ZNF618: variants seen among roughly 807,000 people sequenced by gnomAD.
ZNF618 encodes the protein neural precursor cell expressed, developmentally down-regulated 10.
A neutral mutation model predicts 103.0 loss-of-function variants in ZNF618; 34 were observed. The ratio of observed to expected loss-of-function variants is 0.33; its 90% CI spans 0.25 to 0.44. ZNF618 has a LOEUF of 0.44. Ranked by LOEUF, ZNF618 falls within the 20% of genes least tolerant of loss-of-function variation. The pLI, the probability that ZNF618 is intolerant of heterozygous loss-of-function variation, is 1.00. For synonymous variants in ZNF618, 551 were observed against 542.2 expected (o/e 1.02, Z -0.23); for missense variants, 1,059 against 1,295.4 (o/e 0.82, Z 2.80).
intron 3 of ZNF618, among the ~76,000 whole-genome samples, chr9:113,997,812 G>A (rs1193791692): frequency 6.6e-6 from 1 of 152,218 alleles, no homozygotes; most frequent in Non-Finnish European, 1.5e-5. Flanking sequence ...GCTGGGCAGG[G>A]AGCCAGGCGT....
intron 10 of ZNF618, among the ~76,000 whole-genome samples, chr9:114,025,204 G>A (rs1450484532): frequency 6.6e-6 from 1 of 152,186 alleles, no homozygotes; most frequent in Non-Finnish European, 1.5e-5. Context: ...GACTCCTCTT[G>A]CATCCCATCT....
Position 114,048,816 on chromosome 9 carries a change from G to A in ZNF618, c.1514G>A (p.Arg505His), listed in dbSNP as rs762985449. Residue 505 changes from arginine to histidine, a missense_variant, in exon 15 of 15, where the codon CGC becomes CAC. Physicochemically the swap from Arg to His is conservative, Grantham distance 29 (BLOSUM62 0). Coordinates refer to ENST00000374126, the MANE Select transcript of ZNF618 (RefSeq NM_001318042.2). ...CAGACCTTAGTAGACAGTGGTGCCCGCTATGGGGCCTTCTCGGTCACTGAA... is the reference window on the plus strand; with the variant it reads ...CAGACCTTAGTAGACAGTGGTGCCCACTATGGGGCCTTCTCGGTCACTGAA... The part of the protein sequence containing the change: ...LAQTLVDSGA[R>H]YGAFSVTEIL... The A allele has an allele frequency of 2.0e-5, 32 of 1,613,144 alleles. No homozygotes were observed. In the East Asian group the frequency reaches 2.9e-4, roughly 15 times the overall value.
At chr9:113,991,051 T>G (rs1840015053) in intron 3 of ZNF618, among the ~76,000 whole-genome samples, 1 of 152,372 alleles carries the variant, frequency 6.6e-6, no homozygotes, top group Non-Finnish European at 1.5e-5. Flanking sequence ...GAAAGGATGG[T>G]TGAATCTGAA....
At chr9:114,015,359 C>T (rs2133930496) in intron 9 of ZNF618, among the ~76,000 whole-genome samples, 1 of 152,020 alleles carries the variant, frequency 6.6e-6, no homozygotes, top group South Asian at 2.1e-4. Flanking sequence ...AAAAGAAAAA[C>T]AATAGTTAAT....
At chr9:113,904,906 TA>T (rs886606130) in intron 1 of ZNF618, among the ~76,000 whole-genome samples, 29 of 152,134 alleles carry the variant, frequency 1.9e-4, no homozygotes, top group African/African-American at 6.8e-4. Context: ...CCATCCAGCA[TA>T]ATCTCTCTAT....
intron 12 of ZNF618, among the ~76,000 whole-genome samples, chr9:114,035,404 G>C (rs1159917913): frequency 1.3e-5 from 2 of 152,158 alleles, no homozygotes; most frequent in Non-Finnish European, 2.9e-5. Context: ...GCCCTGGGCG[G>C]GTGGAGCAGT....
chr9:114,049,152 C>G lies in ZNF618; in HGVS notation c.1850C>G (p.Thr617Arg), dbSNP rs187156359. The G allele has an allele frequency of 6.2e-7, 1 of 1,613,728 alleles. No homozygotes were observed. The highest frequency in any genetic ancestry group is 1.3e-5 in the African/African-American group (1 of 74,944). The change falls in exon 15 of 15, where the codon ACG (threonine) becomes AGG (arginine). Residue 617 changes from threonine (T) to arginine (R), a missense_variant. This residue lies in a region of ZNF618 where 272 missense variants were observed against 380.1 expected (regional missense o/e 0.72). Transcript: ENST00000374126. ...TCGGAGATCAGGACAGTGTACGTGA[C>G]GGATTGCCGGGTGAGCACGTCCGCC... is the stretch of plus-strand genomic sequence containing the variant. ...VMSEIRTVYV[T>R]DCRVSTSAFS...
chr9:113,996,371 T>C (rs1233693373), intron 3 of ZNF618, among the ~76,000 whole-genome samples: 1 of 152,192 alleles, frequency 6.6e-6, no homozygotes, highest in Non-Finnish European at 1.5e-5. Flanking sequence ...ATTCACCAGC[T>C]TTGGATTTCT....
rs370296117 is a variant in ZNF618, at chr9:114,002,062, G to A, written c.500G>A (p.Arg167Gln). 13 of 1,613,072 alleles carry A rather than the reference G, an allele frequency of 8.1e-6. No homozygotes were observed. The highest frequency in any genetic ancestry group is 1.1e-5 in the South Asian group (1 of 91,082). The stretch of plus-strand genomic sequence containing the variant: ...TACAACTGCTTCCAGACCCACGTGC[G>A]GGCGCACCGAGGTGAGAGGAGTGTC... ...KYYNCFQTHV[R>Q]AHRDTEATSG... The change falls in exon 5 of 15, where the codon CGG becomes CAG. Residue 167 changes from arginine (R) to glutamine (Q), a missense_variant. By Grantham distance (43) the Arg-to-Gln change is conservative. Around this residue, in one of 6 missense-constraint regions of ZNF618, gnomAD observed 434 missense variants for 476.0 expected, o/e 0.91. Transcript: ENST00000374126.
At chr9:113,882,190 A>G (rs894834605) in intron 1 of ZNF618, among the ~76,000 whole-genome samples, 13 of 152,202 alleles carry the variant, frequency 8.5e-5, no homozygotes, top group African/African-American at 2.4e-4. Context: ...TCAGATGCAT[A>G]GAGATTTTCC....
At chr9:114,031,344 G>T (rs1199797366) in intron 11 of ZNF618, among the ~76,000 whole-genome samples, 2 of 152,170 alleles carry the variant, frequency 1.3e-5, no homozygotes, top group African/African-American at 4.8e-5. Flanking sequence ...TGAAGGGAGG[G>T]TTGTCCTTGT....
At chr9:113,880,833 G>A (rs1828452406) in intron 1 of ZNF618, among the ~76,000 whole-genome samples, 3 of 152,196 alleles carry the variant, frequency 2.0e-5, no homozygotes, top group Admixed American at 2.0e-4. Flanking sequence ...TGGACTAGCT[G>A]AACCGCCATG....
At chr9:113,984,699 C>A (rs910227227) in intron 2 of ZNF618, among the ~76,000 whole-genome samples, 3 of 152,200 alleles carry the variant, frequency 2.0e-5, no homozygotes, top group African/African-American at 7.2e-5. Context: ...GCCGGGGGCC[C>A]CATCTGTTTC....
intron 1 of ZNF618, among the ~76,000 whole-genome samples, chr9:113,886,414 A>C (rs1564128657): frequency 6.6e-6 from 1 of 152,320 alleles, no homozygotes; most frequent in East Asian, 1.9e-4. Flanking sequence ...CAAGCGAAGA[A>C]GATGTAGTCG....
chr9:114,023,216 C>T (rs183358493), intron 10 of ZNF618, among the ~76,000 whole-genome samples: 3 of 151,848 alleles, frequency 2.0e-5, no homozygotes, highest in African/African-American at 4.8e-5. Flanking sequence ...TTCTTATTTT[C>T]GTGCCTTCTT....
chr9:113,927,818 A>G (rs1443356371), intron 1 of ZNF618, among the ~76,000 whole-genome samples: 2 of 152,206 alleles, frequency 1.3e-5, no homozygotes, highest in Admixed American at 6.5e-5. Flanking sequence ...CTACCCCACC[A>G]TGAGGAGATT....
At chr9:113,880,522 G>A (rs2130787234) in intron 1 of ZNF618, among the ~76,000 whole-genome samples, 1 of 152,360 alleles carries the variant, frequency 6.6e-6, no homozygotes, top group East Asian at 1.9e-4. Flanking sequence ...AGAGAGGGGT[G>A]CAGTGGCCAA....
intron 1 of ZNF618, among the ~76,000 whole-genome samples, chr9:113,897,823 C>T (rs1265523278): frequency 6.6e-6 from 1 of 152,082 alleles, no homozygotes; most frequent in Non-Finnish European, 1.5e-5. Flanking sequence ...GGAGTCTTGC[C>T]TTGTTGCCCA....
chr9:113,992,624 C>T (rs962959617), intron 3 of ZNF618, among the ~76,000 whole-genome samples: 11 of 151,728 alleles, frequency 7.2e-5, no homozygotes, highest in Non-Finnish European at 1.0e-4. Flanking sequence ...GGCTCAGAGA[C>T]GGGCTCTGTT....
Sources: gnomAD v4.1 joint callset for allele counts (sites outside exome capture counted in the v4.1 genomes callset) on GRCh38, gnomAD v4.1.1 for gene constraint, gnomAD v4.1.1 regional missense constraint, MANE v1.5 for transcripts, NCBI Gene and HGNC (gene_info 2026-07-23, HGNC 2026-07-21) for gene names.